Variants in CDH12 observed in about 807,000 individuals in gnomAD.
The protein encoded by CDH12 is cadherin-12.
A neutral mutation model predicts 74.1 loss-of-function variants in CDH12; 41 were observed. The observed-to-expected ratio is 0.55, with a 90% CI of 0.43 to 0.72. The LOEUF is 0.72. Among genes scored for constraint, CDH12 ranks in the 30% least tolerant of loss-of-function variants. The pLI, the probability that CDH12 is intolerant of heterozygous loss-of-function variation, is 0.00. For synonymous variants in CDH12, 399 were observed against 355.0 expected, an observed-to-expected ratio of 1.12 and a Z score of -1.39; for missense variants, 945 against 977.2, an observed-to-expected ratio of 0.97 and a Z score of 0.44.
chr5:22,041,834 T>G (rs1739592627), intron 5 of CDH12, among the ~76,000 whole-genome samples: 1 of 152,134 alleles, frequency 6.6e-6, no homozygotes. Context: ...AAAAAATTTC[T>G]TACTTAGCAG....
intron 1 of CDH12, among the ~76,000 whole-genome samples, chr5:22,511,669 AC>A (rs1736615266): frequency 6.6e-6 from 1 of 152,166 alleles, no homozygotes; most frequent in Non-Finnish European, 1.5e-5. Flanking sequence ...GCTTTGAAGA[AC>A]CATTTGGAAT....
At chr5:22,125,375 T>C (rs1303135590) in intron 4 of CDH12, among the ~76,000 whole-genome samples, 2 of 152,110 alleles carry the variant, frequency 1.3e-5, no homozygotes, top group African/African-American at 4.8e-5. Context: ...GTTTTCTGTT[T>C]CTGTGTTAGT....
At chr5:22,603,768 T>C (rs1580808438) in intron 1 of CDH12, among the ~76,000 whole-genome samples, 2 of 152,158 alleles carry the variant, frequency 1.3e-5, no homozygotes, top group East Asian at 3.9e-4. Context: ...GAAAATAGGA[T>C]TTTATAGGGT....
intron 1 of CDH12, among the ~76,000 whole-genome samples, chr5:22,753,022 C>G (rs1745677158): frequency 6.6e-6 from 1 of 152,068 alleles, no homozygotes; most frequent in Admixed American, 6.6e-5. Context: ...GGGAAGGCAG[C>G]TTCAATGCGA....
chr5:22,754,193 C>A (rs913558175), intron 1 of CDH12, among the ~76,000 whole-genome samples: 1 of 152,156 alleles, frequency 6.6e-6, no homozygotes, highest in Admixed American at 6.5e-5. Context: ...AAAATACCAG[C>A]AAGCAACTTG....
chr5:22,822,504 A>G (rs1749759906), intron 1 of CDH12, among the ~76,000 whole-genome samples: 1 of 152,240 alleles, frequency 6.6e-6, no homozygotes, highest in Non-Finnish European at 1.5e-5. Context: ...GCTAATATCC[A>G]GAATCTACAA....
chr5:22,542,045 G>T (rs563444337), intron 1 of CDH12, among the ~76,000 whole-genome samples: 1 of 152,310 alleles, frequency 6.6e-6, no homozygotes, highest in Non-Finnish European at 1.5e-5. Flanking sequence ...ACTTTCCTGA[G>T]TTTTAAATAG....
chr5:22,741,494 T>C (rs1210416757), intron 1 of CDH12, among the ~76,000 whole-genome samples: 4 of 152,178 alleles, frequency 2.6e-5, no homozygotes, highest in Non-Finnish European at 4.4e-5. Context: ...TTGTTGTTGT[T>C]GTTGTTTTTA....
intron 6 of CDH12, chr5:21,883,806 T>G (rs1324281233): frequency 3.8e-6 from 6 of 1,595,734 alleles, no homozygotes; most frequent in South Asian, 3.3e-5. Context: ...TGTGCTGAAG[T>G]TTGGTGGGAC....
intron 1 of CDH12, among the ~76,000 whole-genome samples, chr5:22,653,241 A>ATTAATAC (rs1739833641): frequency 6.6e-6 from 1 of 151,910 alleles, no homozygotes; most frequent in Admixed American, 6.6e-5. Context: ...ACTTTAAACA[A>ATTAATAC]CTCCTAAATG....
At chr5:22,085,246 C>T (rs945602964) in intron 4 of CDH12, among the ~76,000 whole-genome samples, 2 of 152,010 alleles carry the variant, frequency 1.3e-5, no homozygotes, top group Non-Finnish European at 2.9e-5. Context: ...GACAGTAACA[C>T]TTCCTTGAAG....
chr5:22,030,008 CA>C (rs919706505), intron 5 of CDH12, among the ~76,000 whole-genome samples: 1 of 147,660 alleles, frequency 6.8e-6, no homozygotes, highest in African/African-American at 2.5e-5. Flanking sequence ...TAAACTATCG[CA>C]AGGACAAAAA....
chr5:22,545,715 AAAT>A (rs1347705319), intron 1 of CDH12, among the ~76,000 whole-genome samples: 26 of 152,232 alleles, frequency 1.7e-4, no homozygotes, highest in East Asian at 5.8e-4. Context: ...TGATGTATAA[AAAT>A]AATAATTGAT....
At chr5:22,426,868 TAAAC>T (rs993137751) in intron 2 of CDH12, among the ~76,000 whole-genome samples, 1 of 152,214 alleles carries the variant, frequency 6.6e-6, no homozygotes, top group African/African-American at 2.4e-5. Context: ...ATTTCCTACC[TAAAC>T]AAACTAATTC....
At chr5:21,837,458 C>G (rs1207929516) in intron 8 of CDH12, among the ~76,000 whole-genome samples, 1 of 136,126 alleles carries the variant, frequency 7.3e-6, no homozygotes, top group Non-Finnish European at 1.5e-5. Context: ...TAAAGTTCAT[C>G]TGGAGAAAGG....
intron 1 of CDH12, among the ~76,000 whole-genome samples, chr5:22,653,946 C>T (rs957812931): frequency 2.6e-5 from 4 of 152,136 alleles, no homozygotes; most frequent in Admixed American, 2.6e-4. Flanking sequence ...CTCTCCTGGG[C>T]ACTTTTATCT....
At chr5:22,559,358 G>A (rs976337895) in intron 1 of CDH12, among the ~76,000 whole-genome samples, 1 of 151,790 alleles carries the variant, frequency 6.6e-6, no homozygotes, top group African/African-American at 2.4e-5. Flanking sequence ...TTACCTCAGC[G>A]AAAAAATTTT....
intron 6 of CDH12, among the ~76,000 whole-genome samples, chr5:21,911,479 T>C (rs892465445): frequency 1.3e-5 from 2 of 152,052 alleles, no homozygotes; most frequent in East Asian, 3.8e-4. Context: ...TTGATAATGG[T>C]TTTTATTTAC....
At chr5:22,694,570 A>C (rs269019) in intron 1 of CDH12, among the ~76,000 whole-genome samples, 108,343 of 151,844 alleles carry the variant, frequency 0.71, 39,106 homozygotes, top group African/African-American at 0.81. Flanking sequence ...GGTTTCTTAT[A>C]AATTTTTTTA....
Sources: gnomAD v4.1 joint callset for allele counts (sites outside exome capture counted in the v4.1 genomes callset) on GRCh38, gnomAD v4.1.1 for gene constraint, MANE v1.5 for transcripts, NCBI Gene and HGNC (gene_info 2026-07-23, HGNC 2026-07-21) for gene names.